Variants in LMBR1 observed in about 807,000 individuals in gnomAD.
LMBR1 encodes limb region 1 protein homolog.
LMBR1 carries 52 observed loss-of-function variants against 73.9 expected under a neutral mutation model. That is an observed-to-expected ratio of 0.70 (90% CI 0.56 to 0.89). LMBR1 has a LOEUF of 0.89. Ranked by LOEUF, LMBR1 falls within the 40% of genes least tolerant of loss-of-function variation. The pLI is 0.00. For missense variants in LMBR1, 539 were observed against 579.8 expected, an observed-to-expected ratio of 0.93 and a Z score of 0.72; for synonymous variants, 215 against 209.4, an observed-to-expected ratio of 1.03 and a Z score of -0.23.
chr7:156,882,320 C>T (rs1641344000), intron 1 of LMBR1, among the ~76,000 whole-genome samples: 1 of 152,056 alleles, frequency 6.6e-6, no homozygotes, highest in African/African-American at 2.4e-5. Context: ...CAGTGGGTGC[C>T]AGTAGTCCCA....
At chr7:156,784,345 GA>G (rs1269717936) in intron 5 of LMBR1, among the ~76,000 whole-genome samples, 1 of 152,250 alleles carries the variant, frequency 6.6e-6, no homozygotes, top group African/African-American at 2.4e-5. Flanking sequence ...TGATGATACT[GA>G]ATTTAGTGAA....
At chr7:156,744,074 A>T (rs1819393081) in intron 9 of LMBR1, among the ~76,000 whole-genome samples, 1 of 150,754 alleles carries the variant, frequency 6.6e-6, no homozygotes, top group Non-Finnish European at 1.5e-5. Context: ...GAATATATGA[A>T]TTTTTTTTTT....
At chr7:156,711,265 T>C (rs1293914232) in intron 15 of LMBR1, among the ~76,000 whole-genome samples, 1 of 152,042 alleles carries the variant, frequency 6.6e-6, no homozygotes, top group African/African-American at 2.4e-5. Flanking sequence ...GAGCCAAGAT[T>C]ACGCCACTGC....
intron 1 of LMBR1, among the ~76,000 whole-genome samples, chr7:156,886,062 AAAGACTTCCTTC>A (rs1411077793): frequency 1.3e-5 from 2 of 152,000 alleles, no homozygotes; most frequent in South Asian, 4.2e-4. Flanking sequence ...AAAAAAAAAA[AAAGACTTCCTTC>A]AAGTAGGAAG....
chr7:156,709,209 C>T (rs1585301465), intron 15 of LMBR1, among the ~76,000 whole-genome samples: 1 of 152,326 alleles, frequency 6.6e-6, no homozygotes, highest in East Asian at 1.9e-4. Flanking sequence ...ACTATGGCAG[C>T]TGGAACTCTC....
chr7:156,672,868 C>T (rs983054980), downstream of LMBR1, among the ~76,000 whole-genome samples: 3 of 152,230 alleles, frequency 2.0e-5, no homozygotes, highest in African/African-American at 7.2e-5. Flanking sequence ...AATAACTTTG[C>T]ATATTTAAAA....
intron 9 of LMBR1, chr7:156,748,111 A>T (rs1820171182): frequency 6.6e-6 from 1 of 152,230 alleles, no homozygotes; most frequent in Non-Finnish European, 1.5e-5. Context: ...CAATGCTAAT[A>T]ATTATTAAAA....
chr7:156,855,857 A>T (rs756891244), intron 1 of LMBR1, among the ~76,000 whole-genome samples: 6 of 152,176 alleles, frequency 3.9e-5, no homozygotes, highest in Non-Finnish European at 8.8e-5. Context: ...GCTGTAAAAT[A>T]TTTCAAATGT....
At chr7:156,853,650 A>G (rs1412264054) in intron 1 of LMBR1, among the ~76,000 whole-genome samples, 2 of 152,072 alleles carry the variant, frequency 1.3e-5, no homozygotes, top group African/African-American at 4.8e-5. Context: ...CATAGAATAA[A>G]GCTTTTGTTT....
intron 1 of LMBR1, among the ~76,000 whole-genome samples, chr7:156,870,714 G>A (rs534660561): frequency 4.0e-5 from 6 of 150,686 alleles, no homozygotes; most frequent in South Asian, 2.1e-4. Flanking sequence ...GCAGTGAGCC[G>A]AGATCGCGGC....
intron 15 of LMBR1, among the ~76,000 whole-genome samples, chr7:156,703,809 G>A (rs990612738): frequency 2.0e-5 from 3 of 151,996 alleles, no homozygotes; most frequent in Non-Finnish European, 2.9e-5. Flanking sequence ...CATGGCATCC[G>A]GGCTCATGAG....
At chr7:156,891,548 G>A (rs116906525) in intron 1 of LMBR1, among the ~76,000 whole-genome samples, 1,883 of 152,230 alleles carry the variant, frequency 0.012, 15 homozygotes, top group Non-Finnish European at 0.021. Context: ...ACCCTTGGTG[G>A]AGGAGAAAGT....
intron 1 of LMBR1, among the ~76,000 whole-genome samples, chr7:156,888,967 T>C (rs368126832): frequency 3.9e-4 from 60 of 151,998 alleles, no homozygotes; most frequent in African/African-American, 1.4e-3. Context: ...GGCAGGAGAA[T>C]TGCTTGAACC....
intron 8 of LMBR1, among the ~76,000 whole-genome samples, chr7:156,760,761 A>G (rs1019678557): frequency 5.3e-5 from 8 of 152,242 alleles, no homozygotes; most frequent in Admixed American, 4.6e-4. Context: ...TTTAAAATAT[A>G]AAAATATTAT....
intron 4 of LMBR1, among the ~76,000 whole-genome samples, chr7:156,800,190 C>T (rs1379930062): frequency 6.6e-6 from 1 of 152,196 alleles, no homozygotes; most frequent in Non-Finnish European, 1.5e-5. Flanking sequence ...CAGCCTTACA[C>T]TGGAAGAAGA....
At chr7:156,757,122 C>T (rs531538958) in intron 8 of LMBR1, among the ~76,000 whole-genome samples, 3 of 152,200 alleles carry the variant, frequency 2.0e-5, no homozygotes, top group South Asian at 4.1e-4. Flanking sequence ...GCCCAGCCTA[C>T]ATGTACCAAT....
In LMBR1 at chr7:156,892,047, C is replaced by T. The variant is rs532142878; in HGVS notation, c.66+881G>A. Among the ~76,000 whole-genome samples the T allele has an allele frequency of 3.9e-5, 6 of 152,052 alleles. No individual in the cohort carries two copies. In the East Asian group the frequency reaches 1.2e-3, roughly 29 times the overall value. ...AACAGTTATGAAAACACAGATAAAC[C>T]CAATTACAATACATTCTAGAGCATC... is the stretch of plus-strand genomic sequence containing the variant. On this transcript the variant is annotated intron_variant, in intron 1 of 16. Coordinates refer to ENST00000353442, the MANE Select transcript of LMBR1 (RefSeq NM_022458.4).
intron 1 of LMBR1, among the ~76,000 whole-genome samples, chr7:156,861,775 G>T (rs1797755765): frequency 6.6e-6 from 1 of 152,310 alleles, no homozygotes. Flanking sequence ...GGGGCAAAAT[G>T]TCACCAATCT....
chr7:156,671,678 C>T (rs1326462067), intron 4 of LMBR1, among the ~76,000 whole-genome samples: 2 of 152,140 alleles, frequency 1.3e-5, no homozygotes, highest in African/African-American at 4.8e-5. Context: ...GGTCCTGTCG[C>T]CCAGCTCATG....
Sources: gnomAD v4.1 joint callset for allele counts (sites outside exome capture counted in the v4.1 genomes callset) on GRCh38, gnomAD v4.1.1 for gene constraint, MANE v1.5 for transcripts, NCBI Gene and HGNC (gene_info 2026-07-23, HGNC 2026-07-21) for gene names.